Variants in CTBS observed in about 807,000 individuals in gnomAD.
CTBS encodes chitobiase.
In CTBS, 35 loss-of-function variants were observed where a neutral mutation model predicts 44.3. The ratio of observed to expected loss-of-function variants is 0.79; its 90% CI spans 0.60 to 1.05. The LOEUF is 1.05. CTBS is among the 50% of genes least tolerant of loss of function. The pLI, the probability that CTBS is intolerant of heterozygous loss-of-function variation, is 0.00. For synonymous variants in CTBS, 143 were observed against 168.0 expected, an observed-to-expected ratio of 0.85 and a Z score of 1.15; for missense variants, 458 against 475.3, an observed-to-expected ratio of 0.96 and a Z score of 0.34.
chr1:84,556,544 T>C (rs11164008), intron 6 of CTBS, among the ~76,000 whole-genome samples: 150,026 of 151,902 alleles, frequency 0.99, 74,115 homozygotes, highest in East Asian at 1. Context: ...AACCCCATCT[T>C]TACTAAAATA....
At chr1:84,566,324 G>A (rs1158286634) in intron 3 of CTBS, 2 of 157,366 alleles carry the variant, frequency 1.3e-5, no homozygotes, top group African/African-American at 4.8e-5. Context: ...AAAGAAGCAG[G>A]TATAATGACA....
intron 4 of CTBS, among the ~76,000 whole-genome samples, chr1:84,564,854 T>A (rs1684662522): frequency 6.6e-6 from 1 of 151,768 alleles, no homozygotes; most frequent in Non-Finnish European, 1.5e-5. Flanking sequence ...CAACATAGTA[T>A]GACTCCATCT....
chr1:84,567,196 T>C (rs1421361518), intron 3 of CTBS, among the ~76,000 whole-genome samples: 1 of 152,236 alleles, frequency 6.6e-6, no homozygotes, highest in African/African-American at 2.4e-5. Context: ...CCCTTTATAA[T>C]TCCGTGAATA....
chr1:84,551,232 A>G lies in CTBS; in HGVS notation c.*3767T>C, dbSNP rs1684261376. On this transcript the variant is annotated 3_prime_UTR_variant, in exon 7 of 7. Coordinates refer to ENST00000370630, the MANE Select transcript of CTBS (RefSeq NM_004388.3). ...AGGCAGGAAAATGAGAACGATAATT[A>G]TATGAATGCTCTCATTTCTTTATCA... is the stretch of plus-strand genomic sequence containing the variant. 1.0e-6 allele frequency: 1 copy of G among 985,146 alleles called. No homozygotes were observed. 61.0% of individuals were successfully genotyped at this position (985,146 alleles called of 1,614,324 possible).
intron 5 of CTBS, 130 bp downstream of exon 5, chr1:84,563,601 GAAGT>G (rs1684634483): frequency 6.1e-6 from 4 of 650,876 alleles, no homozygotes; most frequent in Middle Eastern, 4.7e-4. Flanking sequence ...AGCTTTCATA[GAAGT>G]AAAAATAAAT....
chr1:84,555,864 C>A (rs181995738), intron 6 of CTBS: 1 of 152,366 alleles, frequency 6.6e-6, no homozygotes, highest in Admixed American at 6.5e-5. Flanking sequence ...AATCAATGCT[C>A]TGGTCCTCTA....
Position 84,574,279 on chromosome 1 carries a change from G to A in CTBS, c.137C>T (p.Pro46Leu). Residue 46 changes from proline to leucine, a missense_variant, in exon 1 of 7, where the codon CCT (proline) becomes CTT (leucine). Physicochemically the swap from Pro to Leu is moderately conservative, Grantham distance 98. Transcript: ENST00000370630. ...GTGGCGAATCGGGCGGCAGAGCTCA[G>A]GCTCCGGGCATGGGCAGTCGGTCCC... ...AAGTDCPCPE[P>L]ELCRPIRHHP... 6.3e-7 allele frequency: 1 copy of A among 1,591,678 alleles called. No individual in the cohort carries two copies. The highest frequency in any genetic ancestry group is 8.5e-7 in the Non-Finnish European group (1 of 1,170,844).
intron 1 of CTBS, among the ~76,000 whole-genome samples, chr1:84,572,851 G>C (rs1313121745): frequency 6.6e-6 from 1 of 151,968 alleles, no homozygotes; most frequent in Non-Finnish European, 1.5e-5. Context: ...GCTAATTTTT[G>C]TATTTTTAGT....
chr1:84,555,667 G>A (rs894143204), intron 6 of CTBS, among the ~76,000 whole-genome samples: 11 of 152,162 alleles, frequency 7.2e-5, no homozygotes, highest in Non-Finnish European at 1.3e-4. Context: ...CTTGCCCTTA[G>A]CCAGTGATTA....
chr1:84,570,541 A>T, intron 2 of CTBS, 41 bp downstream of exon 2: 1 of 1,553,626 alleles, frequency 6.4e-7, no homozygotes, highest in Non-Finnish European at 8.7e-7. Flanking sequence ...ATACAGATAA[A>T]TTTCCCAATT....
At position 84,553,972 on chromosome 1, in the gene CTBS, C is replaced by A. The variant is rs1684352901; in HGVS notation, c.*1027G>T. On this transcript the variant is annotated 3_prime_UTR_variant, in exon 7 of 7. Coordinates refer to ENST00000370630, the MANE Select transcript of CTBS (RefSeq NM_004388.3). Reference sequence around the variant, plus strand: ...TTTAGAAAGAGAACTAGTTGAGAAGCTAATCAGTGTCTTTAGATCATTAAA... The same window carrying A: ...TTTAGAAAGAGAACTAGTTGAGAAGATAATCAGTGTCTTTAGATCATTAAA... 1 of 152,016 alleles carries A rather than the reference C, an allele frequency of 6.6e-6. No individual in the cohort carries two copies. The highest frequency in any genetic ancestry group is 2.4e-5 in the African/African-American group (1 of 41,368). 9.4% of individuals were successfully genotyped at this position (152,016 alleles called of 1,614,324 possible).
At chr1:84,573,993 A>G in intron 1 of CTBS, 2 of 1,377,530 alleles carry the variant, frequency 1.5e-6, no homozygotes, top group Non-Finnish European at 1.9e-6. Context: ...TAGGAGGCAG[A>G]TCTGGTTTGA....
chr1:84,573,147 G>A (rs939959713), intron 1 of CTBS, among the ~76,000 whole-genome samples: 1 of 152,152 alleles, frequency 6.6e-6, no homozygotes, highest in Non-Finnish European at 1.5e-5. Flanking sequence ...ACAGTGAAAG[G>A]AAACTTAAGC....
chr1:84,553,517 A>T lies in CTBS; in HGVS notation c.*1482T>A, dbSNP rs937639761. 6.6e-6 allele frequency: 1 copy of T among 152,422 alleles called. No homozygotes were observed. Among genetic ancestry groups the T allele is most frequent in the African/African-American group, 2.4e-5 (1 of 41,412 alleles). 9.4% of individuals were successfully genotyped at this position (152,422 alleles called of 1,614,324 possible). A position where few individuals can be genotyped will look rare whatever the true frequency, so the allele number is the denominator to read the frequency against. On this transcript the variant is annotated 3_prime_UTR_variant, in exon 7 of 7. Coordinates refer to ENST00000370630, the MANE Select transcript of CTBS (RefSeq NM_004388.3). ...GAAAATACAGACTTCATTTAACTTA[A>T]TTTGTTCATTATATCTTAATTAAAA... is the stretch of plus-strand genomic sequence containing the variant.
At chr1:84,560,852 T>G (rs1419051052) in intron 6 of CTBS, among the ~76,000 whole-genome samples, 3 of 152,192 alleles carry the variant, frequency 2.0e-5, no homozygotes, top group Admixed American at 1.3e-4. Flanking sequence ...CTGAATATCT[T>G]AAGCCCACTG....
chr1:84,559,491 G>T (rs966003948), intron 6 of CTBS, among the ~76,000 whole-genome samples: 1 of 152,026 alleles, frequency 6.6e-6, no homozygotes, highest in African/African-American at 2.4e-5. Context: ...GCATGGTAGG[G>T]CATCCCTATA....
Position 84,563,802 on chromosome 1 carries a change from T to C in CTBS, c.728A>G (p.Asn243Ser), listed in dbSNP as rs756223203. 1 of 1,608,414 alleles carries C rather than the reference T, an allele frequency of 6.2e-7. No homozygotes were observed. The highest frequency in any genetic ancestry group is 8.5e-7 in the Non-Finnish European group (1 of 1,176,838). Residue 243 changes from asparagine (N) to serine (S), a missense_variant, in exon 5 of 7, where the codon AAT becomes AGT. By Grantham distance (46) the Asn-to-Ser change is conservative (BLOSUM62 1). Coordinates refer to ENST00000370630, the MANE Select transcript of CTBS (RefSeq NM_004388.3). ...AACACCCATTACAAGTTTCTTAGGA[T>C]TAATGCTCATCTTGATGTAGTCATT... ...GYNDYIKMSI[N>S]PKKLVMGVPW... is the part of the protein sequence containing the mutation.
Position 84,570,040 on chromosome 1 carries a change from T to C in CTBS, c.416A>G (p.Asn139Ser). ...ATTAACTTCTTGCTCTATATCTATA[T>C]TAATTCCATCCATATATTGTGTTTT... is the stretch of plus-strand genomic sequence containing the variant. The part of the protein sequence containing the change: ...LAKTQYMDGI[N>S]IDIEQEVNCL... Residue 139 changes from asparagine to serine, a missense_variant, in exon 3 of 7, where the codon AAT becomes AGT. Coordinates refer to ENST00000370630, the MANE Select transcript of CTBS (RefSeq NM_004388.3). 1 of 1,613,772 alleles carries C rather than the reference T, an allele frequency of 6.2e-7. No homozygotes were observed. The highest frequency in any genetic ancestry group is 1.7e-5 in the Admixed American group (1 of 60,008).
intron 6 of CTBS, among the ~76,000 whole-genome samples, chr1:84,556,918 A>T (rs1420882937): frequency 6.6e-6 from 1 of 152,206 alleles, no homozygotes; most frequent in East Asian, 1.9e-4. Context: ...GGCAACTTGT[A>T]GAACTTGTAC....
Sources: gnomAD v4.1 joint callset for allele counts (sites outside exome capture counted in the v4.1 genomes callset) on GRCh38, gnomAD v4.1.1 for gene constraint, MANE v1.5 for transcripts, NCBI Gene and HGNC (gene_info 2026-07-23, HGNC 2026-07-21) for gene names.